Variants in NEDD4 observed in about 807,000 individuals in gnomAD.
NEDD4 encodes E3 ubiquitin-protein ligase NEDD4.
In NEDD4, 99 loss-of-function variants were observed where a neutral mutation model predicts 144.9. The observed-to-expected ratio is 0.68, with a 90% CI of 0.58 to 0.81. The LOEUF (loss-of-function observed/expected upper bound fraction) is 0.81. NEDD4 is among the 30% of genes least tolerant of loss of function. The pLI is 0.00. For synonymous variants in NEDD4, 318 were observed against 350.6 expected, an observed-to-expected ratio of 0.91 and a Z score of 1.04; for missense variants, 985 against 1,065.9, an observed-to-expected ratio of 0.92 and a Z score of 1.06.
intron 9 of NEDD4, among the ~76,000 whole-genome samples, chr15:55,862,499 A>G (rs1020386904): frequency 1.3e-5 from 2 of 152,196 alleles, no homozygotes; most frequent in Non-Finnish European, 2.9e-5. Context: ...TAATACCCTT[A>G]TTATTGAGTC....
rs542978653 is a variant in NEDD4 at position 55,916,559 on chromosome 15, T to G, written c.291+8087A>C. On this transcript the variant is annotated intron_variant, in intron 5 of 28. Coordinates refer to ENST00000435532, the MANE Select transcript of NEDD4 (RefSeq NM_006154.4). ...GATATCCACTGTACCTTGTTGGCTG[T>G]AGTGAAATCTGTAGACAGCTGCTCT... The G allele has an allele frequency of 1.9e-6, 3 of 1,613,974 alleles. No homozygotes were observed. The African/African-American group carries it at 4.0e-5, about 22-fold the overall frequency.
In NEDD4 at chr15:55,856,039, T is replaced by A. The variant is rs562049311; in HGVS notation, c.1026+92A>T. The A allele has an allele frequency of 3.4e-5, 38 of 1,117,404 alleles. No homozygotes were observed. In the South Asian group the frequency reaches 4.8e-4, roughly 14 times the overall value. The allele number at this position is 1,117,404 out of a possible 1,614,324, so 69.2% of individuals were successfully genotyped here. ...CATTCTGTGCTGTATTGGCTCCCTG[T>A]AAGGCAAACGTTCACACTCAATCTT... is the stretch of plus-strand genomic sequence containing the variant. On this transcript the variant is annotated intron_variant, in intron 12 of 28. Transcript: ENST00000435532.
chr15:55,944,519 C>T (rs368788676), intron 4 of NEDD4, among the ~76,000 whole-genome samples: 1 of 152,238 alleles, frequency 6.6e-6, no homozygotes, highest in Non-Finnish European at 1.5e-5. Context: ...CTCAGCTCAT[C>T]AAGGCCTACT....
At chr15:55,990,623 A>G (rs1426364893) in intron 1 of NEDD4, among the ~76,000 whole-genome samples, 1 of 152,186 alleles carries the variant, frequency 6.6e-6, no homozygotes, top group Non-Finnish European at 1.5e-5. Flanking sequence ...TCCACTCTGC[A>G]AATCTCAAGT....
intron 1 of NEDD4, among the ~76,000 whole-genome samples, chr15:55,978,677 T>G (rs1274960156): frequency 6.6e-6 from 1 of 152,206 alleles, no homozygotes; most frequent in African/African-American, 2.4e-5. Flanking sequence ...AGCTTGAAAC[T>G]TCCCTCTTCC....
chr15:55,990,149 G>T (rs1395075715), intron 1 of NEDD4, among the ~76,000 whole-genome samples: 1 of 151,714 alleles, frequency 6.6e-6, no homozygotes, highest in Non-Finnish European at 1.5e-5. Flanking sequence ...CTACATTACG[G>T]TGAGCTGTAT....
intron 1 of NEDD4, among the ~76,000 whole-genome samples, chr15:55,972,900 C>T (rs1344417934): frequency 2.0e-5 from 3 of 152,102 alleles, no homozygotes; most frequent in African/African-American, 7.2e-5. Context: ...GGTTATTACA[C>T]AATGATAAAG....
Position 55,913,429 on chromosome 15 carries a change from CTTTGA to C in NEDD4, c.291+11212_291+11216del, listed in dbSNP as rs1161748601. On this transcript the variant is annotated intron_variant, in intron 5 of 28. Coordinates refer to ENST00000435532, the MANE Select transcript of NEDD4 (RefSeq NM_006154.4). ...CTAGAATCTTCTCCATAAAACAAGC[CTTTGA>C]TTTATCAATTAGATCTATTTAGATA... is the stretch of plus-strand genomic sequence containing the variant. 2.2e-4 allele frequency among the ~76,000 whole-genome samples: 34 copies of C among 152,060 alleles called. No individual in the cohort carries two copies. In the East Asian group the frequency reaches 4.4e-3, roughly 20 times the overall value.
In NEDD4 at chr15:55,940,518, T is replaced by TTCTCTC. The variant is rs60338644; in HGVS notation, c.237+10852_237+10857dup. On this transcript the variant is annotated intron_variant, in intron 4 of 28. Transcript: ENST00000435532. The stretch of plus-strand genomic sequence containing the variant: ...CTCCTTCCTCCTTCCCTCCTCCCCC[T>TTCTCTC]TCTCTCTCTCTCTCTCTCTCTCTCT... Among the ~76,000 whole-genome samples the TTCTCTC allele has an allele frequency of 1.3e-3, 143 of 106,294 alleles. 2 individuals are homozygous for TTCTCTC. Among genetic ancestry groups the TTCTCTC allele is most frequent in the African/African-American group, 3.5e-3 (116 of 33,270 alleles). 69.7% of individuals were successfully genotyped at this position (106,294 alleles called of 152,430 possible). A position where few individuals can be genotyped will look rare whatever the true frequency, so the allele number is the denominator to read the frequency against.
intron 1 of NEDD4, among the ~76,000 whole-genome samples, chr15:55,972,069 C>CA (rs1479284480): frequency 9.9e-5 from 15 of 152,086 alleles, no homozygotes; most frequent in African/African-American, 2.9e-4. Flanking sequence ...CTTTCCTGGA[C>CA]AAACAAAAGC....
chr15:55,902,279 C>A (rs2035936476), intron 5 of NEDD4, among the ~76,000 whole-genome samples: 1 of 152,070 alleles, frequency 6.6e-6, no homozygotes, highest in Admixed American at 6.6e-5. Flanking sequence ...TAGACAGATG[C>A]AAGTCAAAAG....
intron 8 of NEDD4, among the ~76,000 whole-genome samples, chr15:55,868,134 A>C (rs1309223833): frequency 6.6e-6 from 1 of 151,972 alleles, no homozygotes; most frequent in Non-Finnish European, 1.5e-5. Context: ...TGCATTTAAA[A>C]TTTTCCCAGA....
intron 1 of NEDD4, among the ~76,000 whole-genome samples, chr15:55,971,378 A>G (rs1858567660): frequency 2.0e-5 from 3 of 152,172 alleles, no homozygotes; most frequent in South Asian, 2.1e-4. Context: ...TAATCCCAGC[A>G]CTTTGGGAGG....
chr15:55,951,580 G>A lies in NEDD4; in HGVS notation c.129C>T (p.Tyr43=), dbSNP rs779917841. The change falls in exon 3 of 29, where the codon TAC becomes TAT. Residue 43 remains tyrosine, a synonymous_variant. Coordinates refer to ENST00000435532, the MANE Select transcript of NEDD4 (RefSeq NM_006154.4). ...KKDILGASDP[Y]VRVTLYDPMN... Reference sequence around the variant, plus strand: ...TTGGGTCATATAACGTCACTCTCACGTAAGGATCACTGTTAAAAAAAAAAA... The same window carrying A: ...TTGGGTCATATAACGTCACTCTCACATAAGGATCACTGTTAAAAAAAAAAA... 5.2e-5 allele frequency: 76 copies of A among 1,467,950 alleles called. No homozygotes were observed. In the Admixed American group the frequency reaches 6.2e-4, roughly 12 times the overall value. 90.9% of individuals were successfully genotyped at this position (1,467,950 alleles called of 1,614,324 possible).
chr15:55,915,203 G>C, intron 5 of NEDD4: 1 of 1,302,070 alleles, frequency 7.7e-7, no homozygotes, highest in Non-Finnish European at 1.0e-6. Flanking sequence ...AAAACTGCTT[G>C]GTTACAATAA....
intron 1 of NEDD4, among the ~76,000 whole-genome samples, chr15:55,970,346 C>T (rs879240890): frequency 1.3e-5 from 2 of 152,192 alleles, no homozygotes; most frequent in Non-Finnish European, 2.9e-5. Context: ...GAACCTACTG[C>T]ACTGAAAAGA....
chr15:55,937,732 A>T (rs1367202263), intron 4 of NEDD4, among the ~76,000 whole-genome samples: 1 of 152,218 alleles, frequency 6.6e-6, no homozygotes, highest in African/African-American at 2.4e-5. Flanking sequence ...TAATATTGTT[A>T]AAATGTCCAT....
intron 5 of NEDD4, among the ~76,000 whole-genome samples, chr15:55,900,496 T>C (rs1004704697): frequency 6.6e-6 from 1 of 152,216 alleles, no homozygotes; most frequent in Non-Finnish European, 1.5e-5. Flanking sequence ...CAGTATAATA[T>C]ATTTCGGCAA....
chr15:55,857,800 T>G (rs1437502574), intron 11 of NEDD4, among the ~76,000 whole-genome samples: 3 of 151,972 alleles, frequency 2.0e-5, no homozygotes, highest in African/African-American at 7.3e-5. Flanking sequence ...TTAGCAGGGG[T>G]ACAATGGCAT....
Sources: gnomAD v4.1 joint callset for allele counts (sites outside exome capture counted in the v4.1 genomes callset) on GRCh38, gnomAD v4.1.1 for gene constraint, MANE v1.5 for transcripts, NCBI Gene and HGNC (gene_info 2026-07-23, HGNC 2026-07-21) for gene names.